Variants in ZMYM4 observed in about 807,000 individuals in gnomAD.
ZMYM4 encodes the protein zinc finger MYM-type protein 4.
In ZMYM4, 31 loss-of-function variants were observed where a neutral mutation model predicts 183.2. The ratio of observed to expected loss-of-function variants is 0.17; its 90% CI spans 0.13 to 0.23. The LOEUF is 0.23. Among genes scored for constraint, ZMYM4 ranks in the 10% least tolerant of loss-of-function variants. The probability of loss-of-function intolerance (pLI) is 1.00; values close to 1 mark genes in which losing one functional copy is unlikely to be tolerated. For synonymous variants in ZMYM4, 592 were observed against 631.2 expected (o/e 0.94, Z 0.93); for missense variants, 1,273 against 1,840.3 (o/e 0.69, Z 5.64).
intron 13 of ZMYM4, among the ~76,000 whole-genome samples, chr1:35,388,583 A>C (rs1203192384): frequency 6.6e-6 from 1 of 151,954 alleles, no homozygotes; most frequent in African/African-American, 2.4e-5. Flanking sequence ...CATTTAAAAC[A>C]AAAACAAAAA....
At chr1:35,417,473 A>G (rs1640165294) in intron 28 of ZMYM4, among the ~76,000 whole-genome samples, 2 of 152,178 alleles carry the variant, frequency 1.3e-5, no homozygotes, top group Admixed American at 6.5e-5. Flanking sequence ...GCCATTTCTC[A>G]CAATATTCGA....
intron 7 of ZMYM4, among the ~76,000 whole-genome samples, chr1:35,378,250 A>T (rs1644377171): frequency 6.6e-6 from 1 of 152,170 alleles, no homozygotes; most frequent in East Asian, 1.9e-4. Flanking sequence ...GAAGTTACCT[A>T]CTTCCAAGCT....
chr1:35,274,961 T>C (rs1222166000), intron 1 of ZMYM4, among the ~76,000 whole-genome samples: 3 of 152,188 alleles, frequency 2.0e-5, no homozygotes, highest in African/African-American at 7.2e-5. Context: ...GGTTAGTGTT[T>C]ATATTCTCAT....
intron 13 of ZMYM4, among the ~76,000 whole-genome samples, chr1:35,388,095 A>G (rs1174051006): frequency 6.6e-6 from 1 of 152,256 alleles, no homozygotes; most frequent in Non-Finnish European, 1.5e-5. Context: ...CTAAAGCTGT[A>G]TTAGCCTTCT....
Position 35,419,937 on chromosome 1 carries a change from T to A in ZMYM4, c.*260T>A, listed in dbSNP as rs1258109969. 9.2e-6 allele frequency: 4 copies of A among 437,068 alleles called. No individual in the cohort carries two copies. Among genetic ancestry groups the A allele is most frequent in the Non-Finnish European group, 1.7e-5 (4 of 237,774 alleles). The allele number at this position is 437,068 out of a possible 1,614,324, so 27.1% of individuals were successfully genotyped here. A position where few individuals can be genotyped will look rare whatever the true frequency, so the allele number is the denominator to read the frequency against. ...ACTAATTTCTCCGAGTGGTGCATAA[T>A]CTTATTTTGTTTGGGAGTAACAAAT... On this transcript the variant is annotated 3_prime_UTR_variant, in exon 30 of 30. Transcript: ENST00000314607.
Position 35,392,731 on chromosome 1 carries a change from A to T in ZMYM4, c.2766+47A>T, listed in dbSNP as rs534717274. The T allele has an allele frequency of 4.8e-6, 7 of 1,458,688 alleles. No homozygotes were observed. In the African/African-American group the frequency reaches 7.1e-5, roughly 15 times the overall value. 90.4% of individuals were successfully genotyped at this position (1,458,688 alleles called of 1,614,324 possible). On this transcript the variant is annotated intron_variant, in intron 17 of 29. Coordinates refer to ENST00000314607, the MANE Select transcript of ZMYM4 (RefSeq NM_005095.3). ...GGTATTGTCACTGTATTTATTTTTC[A>T]TTTTCATACAGTATAAATATGTGTG...
At chr1:35,275,398 T>C (rs1639822412) in intron 1 of ZMYM4, among the ~76,000 whole-genome samples, 1 of 152,042 alleles carries the variant, frequency 6.6e-6, no homozygotes, top group Non-Finnish European at 1.5e-5. Context: ...TGCACCACAA[T>C]GCCCAGCTAA....
chr1:35,272,773 A>G (rs537278264), intron 1 of ZMYM4, among the ~76,000 whole-genome samples: 6 of 152,260 alleles, frequency 3.9e-5, no homozygotes, highest in African/African-American at 1.4e-4. Flanking sequence ...CAGTGGCGCT[A>G]TCTCAGCTCA....
intron 1 of ZMYM4, among the ~76,000 whole-genome samples, chr1:35,291,243 T>C (rs1270240468): frequency 6.6e-6 from 1 of 152,200 alleles, no homozygotes; most frequent in African/African-American, 2.4e-5. Flanking sequence ...CCTTTATTAA[T>C]GTTTTGAAAA....
At chr1:35,279,445 A>C (rs1264762601) in intron 1 of ZMYM4, among the ~76,000 whole-genome samples, 1 of 152,166 alleles carries the variant, frequency 6.6e-6, no homozygotes, top group Non-Finnish European at 1.5e-5. Flanking sequence ...GATGGGATCC[A>C]TGAGTCACAC....
Position 35,381,626 on chromosome 1 carries a change from C to T in ZMYM4, c.1437C>T (p.Asn479=). ...DACFSKFRSA[N]NLTMNCCENC... ...GCTTCTCTAAGTTTCGTTCTGCTAA[C>T]AACCTCACCATGAACTGTTGTGAGA... The change falls in exon 9 of 30, where the codon AAC becomes AAT. Residue 479 remains asparagine, a synonymous_variant. Transcript: ENST00000314607. The T allele has an allele frequency of 6.2e-7, 1 of 1,614,240 alleles. No individual in the cohort carries two copies. Among genetic ancestry groups the T allele is most frequent in the Non-Finnish European group, 8.5e-7 (1 of 1,180,036 alleles).
chr1:35,278,590 T>C (rs1405937821), intron 1 of ZMYM4, among the ~76,000 whole-genome samples: 1 of 152,156 alleles, frequency 6.6e-6, no homozygotes, highest in East Asian at 1.9e-4. Flanking sequence ...CATGCCTGGC[T>C]AATTTTTTGT....
At chr1:35,384,602 A>T (rs1429198119) in intron 9 of ZMYM4, among the ~76,000 whole-genome samples, 2 of 151,616 alleles carry the variant, frequency 1.3e-5, no homozygotes, top group Non-Finnish European at 2.9e-5. Flanking sequence ...CTTATGGAGT[A>T]TTTTTTTTAT....
chr1:35,367,666 A>T (rs1475809658), intron 5 of ZMYM4, among the ~76,000 whole-genome samples: 1 of 152,210 alleles, frequency 6.6e-6, no homozygotes, highest in Non-Finnish European at 1.5e-5. Context: ...GGCAAATGAA[A>T]GGAATTCACT....
Position 35,370,364 on chromosome 1 carries a change from TTTTA to T in ZMYM4, c.926-7_926-4del. Reference sequence around the variant, plus strand: ...TTTTTTTTTTTTTTTTTTTTTTTTTTTTTAAAGCTCCACAGTTGACTACTGGCTT... The same window carrying T: ...TTTTTTTTTTTTTTTTTTTTTTTTTTAAGCTCCACAGTTGACTACTGGCTT... On this transcript the variant is annotated splice_region_variant and splice_polypyrimidine_tract_variant and intron_variant, in intron 6 of 29. Coordinates refer to ENST00000314607, the MANE Select transcript of ZMYM4 (RefSeq NM_005095.3). 1.4e-6 allele frequency: 2 copies of T among 1,421,884 alleles called. No individual in the cohort carries two copies. Among genetic ancestry groups the T allele is most frequent in the Non-Finnish European group, 9.2e-7 (1 of 1,088,752 alleles). 88.1% of individuals were successfully genotyped at this position (1,421,884 alleles called of 1,614,324 possible).
chr1:35,348,258 G>T (rs936070559), intron 2 of ZMYM4, among the ~76,000 whole-genome samples: 2 of 152,034 alleles, frequency 1.3e-5, no homozygotes, highest in Non-Finnish European at 2.9e-5. Context: ...TCACCTTTTG[G>T]TAAGCTATAA....
intron 26 of ZMYM4, among the ~76,000 whole-genome samples, chr1:35,410,007 C>G (rs758644363): frequency 6.6e-6 from 1 of 151,742 alleles, no homozygotes; most frequent in Non-Finnish European, 1.5e-5. Context: ...AAACATGGCT[C>G]CAGCATCTGC....
Position 35,413,966 on chromosome 1 carries a change from T to A in ZMYM4, c.3949-6T>A. The A allele has an allele frequency of 2.1e-6, 3 of 1,414,528 alleles. No individual in the cohort carries two copies. The highest frequency in any genetic ancestry group is 2.9e-6 in the Non-Finnish European group (3 of 1,032,476). 87.6% of individuals were successfully genotyped at this position (1,414,528 alleles called of 1,614,324 possible). On this transcript the variant is annotated splice_region_variant and splice_polypyrimidine_tract_variant and intron_variant, in intron 26 of 29. Transcript: ENST00000314607. ...ACATGTATATTTTCTTTTTTTTTTCTTGTAGTACCTGTTTGAAAATGGTAG... is the reference window on the plus strand; with the variant it reads ...ACATGTATATTTTCTTTTTTTTTTCATGTAGTACCTGTTTGAAAATGGTAG...
At chr1:35,296,952 C>T (rs1474720151) in intron 1 of ZMYM4, among the ~76,000 whole-genome samples, 3 of 143,350 alleles carry the variant, frequency 2.1e-5, no homozygotes, top group Admixed American at 1.5e-4. Context: ...CGGGTTTAGG[C>T]GATTCTCCTG....
Sources: gnomAD v4.1 joint callset for allele counts (sites outside exome capture counted in the v4.1 genomes callset) on GRCh38, gnomAD v4.1.1 for gene constraint, MANE v1.5 for transcripts, NCBI Gene and HGNC (gene_info 2026-07-23, HGNC 2026-07-21) for gene names.